Variants in METTL25 observed in about 807,000 individuals in gnomAD.
The protein encoded by METTL25 is methyltransferase like 25, also known as probable methyltransferase-like protein 25.
Under a neutral mutation model 71.6 loss-of-function variants are expected in METTL25, and 64 were observed. The observed-to-expected ratio is 0.89, with a 90% CI of 0.73 to 1.10. The LOEUF is 1.10. METTL25 is among the 50% of genes least tolerant of loss of function. METTL25 has a pLI of 0.00. For missense variants in METTL25, 807 were observed against 707.0 expected, an observed-to-expected ratio of 1.14 and a Z score of -1.60; for synonymous variants, 287 against 250.3, an observed-to-expected ratio of 1.15 and a Z score of -1.38.
At chr12:82,466,915 A>G (rs1395425486) in intron 9 of METTL25, among the ~76,000 whole-genome samples, 1 of 151,988 alleles carries the variant, frequency 6.6e-6, no homozygotes, top group Non-Finnish European at 1.5e-5. Flanking sequence ...TTCCGTTAGC[A>G]TAGAATACCT....
chr12:82,436,693 G>T (rs1483433750), intron 7 of METTL25, among the ~76,000 whole-genome samples: 1 of 151,008 alleles, frequency 6.6e-6, no homozygotes, highest in African/African-American at 2.4e-5. Context: ...CTTTTTTGTT[G>T]TATTTTACAA....
Position 82,378,917 on chromosome 12 carries a change from A to G in METTL25, c.260-7886A>G, listed in dbSNP as rs61934279. ...GCACAGTGGTGCATGCCCTTATCCC[A>G]GCTACTTAGGAGGCTGAGGTGAGAG... is the stretch of plus-strand genomic sequence containing the variant. On this transcript the variant is annotated intron_variant, in intron 1 of 11. Coordinates refer to ENST00000248306, the MANE Select transcript of METTL25 (RefSeq NM_032230.3). Among the ~76,000 whole-genome samples the G allele has an allele frequency of 7.1e-3, 1,084 of 152,226 alleles. 12 individuals are homozygous for G. Among genetic ancestry groups the G allele is most frequent in the Admixed American group, 0.012 (180 of 15,276 alleles).
intron 9 of METTL25, among the ~76,000 whole-genome samples, chr12:82,474,979 A>G (rs1432527965): frequency 6.6e-6 from 1 of 152,226 alleles, no homozygotes; most frequent in Non-Finnish European, 1.5e-5. Flanking sequence ...TCAACAGAAC[A>G]TAGTTCTCTA....
intron 1 of METTL25, among the ~76,000 whole-genome samples, chr12:82,374,767 G>A (rs945415434): frequency 3.3e-5 from 5 of 152,168 alleles, no homozygotes; most frequent in Non-Finnish European, 7.3e-5. Context: ...TAGAAACATG[G>A]AGCAAAGTAT....
chr12:82,408,021 A>G, intron 5 of METTL25: 1 of 926,780 alleles, frequency 1.1e-6, no homozygotes, highest in Non-Finnish European at 1.3e-6. Context: ...GTCGAATTTG[A>G]CACTTTTAGT....
chr12:82,398,893 T>G lies in METTL25; in HGVS notation c.630T>G (p.Thr210=). 1 of 1,611,996 alleles carries G rather than the reference T, an allele frequency of 6.2e-7. No homozygotes were observed. Among genetic ancestry groups the G allele is most frequent in the Non-Finnish European group, 8.5e-7 (1 of 1,179,274 alleles). The part of the protein sequence containing the change: ...VYGIDSSNTN[T]HGAEERNRKL... ...GAATTGATTCTTCAAATACCAATAC[T>G]CATGGAGCTGAGGAGAGAAACAGAA... is the stretch of plus-strand genomic sequence containing the variant. Residue 210 remains threonine (T), a synonymous_variant, in exon 4 of 12, where the codon ACT becomes ACG. Coordinates refer to ENST00000248306, the MANE Select transcript of METTL25 (RefSeq NM_032230.3).
intron 1 of METTL25, among the ~76,000 whole-genome samples, chr12:82,361,774 A>C (rs1041667915): frequency 1.3e-5 from 2 of 152,298 alleles, no homozygotes; most frequent in African/African-American, 4.8e-5. Context: ...CGTGGCGCGC[A>C]GCCCTGGTTC....
At chr12:82,448,214 T>G (rs1890893236) in intron 8 of METTL25, among the ~76,000 whole-genome samples, 1 of 152,126 alleles carries the variant, frequency 6.6e-6, no homozygotes, top group Non-Finnish European at 1.5e-5. Flanking sequence ...ATAAATCATC[T>G]TCCAGTAATA....
intron 9 of METTL25, among the ~76,000 whole-genome samples, chr12:82,461,288 A>G (rs570763618): frequency 6.6e-6 from 1 of 152,360 alleles, no homozygotes; most frequent in East Asian, 1.9e-4. Flanking sequence ...ACATGAGATA[A>G]TTAACGTTTA....
intron 2 of METTL25, among the ~76,000 whole-genome samples, chr12:82,389,510 G>A (rs1041064544): frequency 1.3e-5 from 2 of 151,756 alleles, no homozygotes; most frequent in African/African-American, 2.4e-5. Context: ...CTTTCATTTG[G>A]GGTTTGCCTT....
intron 3 of METTL25, among the ~76,000 whole-genome samples, chr12:82,393,864 T>C (rs909789090): frequency 3.2e-4 from 48 of 152,032 alleles, no homozygotes; most frequent in African/African-American, 1.1e-3. Flanking sequence ...TTTCTACTTT[T>C]TTGTTACATG....
chr12:82,405,105 A>C (rs1051460185), intron 5 of METTL25, among the ~76,000 whole-genome samples: 1 of 152,080 alleles, frequency 6.6e-6, no homozygotes, highest in Non-Finnish European at 1.5e-5. Flanking sequence ...GTGCTTTCTT[A>C]AGACTGCCAT....
intron 1 of METTL25, among the ~76,000 whole-genome samples, chr12:82,364,854 A>G (rs968656881): frequency 2.6e-5 from 4 of 152,198 alleles, no homozygotes; most frequent in African/African-American, 9.7e-5. Flanking sequence ...ATTAATAAAT[A>G]ACATACTATT....
intron 8 of METTL25, among the ~76,000 whole-genome samples, chr12:82,444,750 A>AATTATT (rs2137209805): frequency 6.6e-6 from 1 of 152,188 alleles, no homozygotes; most frequent in East Asian, 1.9e-4. Flanking sequence ...AAATTGACAA[A>AATTATT]ATTATTAAAA....
Position 82,398,853 on chromosome 12 carries a change from G to C in METTL25, c.590G>C (p.Gly197Ala). The C allele has an allele frequency of 6.3e-7, 1 of 1,597,834 alleles. No individual in the cohort carries two copies. Among genetic ancestry groups the C allele is most frequent in the East Asian group, 2.2e-5 (1 of 44,618 alleles). ...YLSSFLSLKYGLKVYGIDSSN... is the reference protein window; with the variant it reads ...YLSSFLSLKYALKVYGIDSSN... ...AGCTCTTTTTTGTCCTTGAAGTATG[G>C]CTTAAAAGTTTATGGAATTGATTCT... The change falls in exon 4 of 12, where the codon GGC becomes GCC. Residue 197 changes from glycine to alanine, a missense_variant. Physicochemically the swap from Gly to Ala is moderately conservative, Grantham distance 60 (BLOSUM62 0). Coordinates refer to ENST00000248306, the MANE Select transcript of METTL25 (RefSeq NM_032230.3).
At chr12:82,471,597 G>T (rs1892573024) in intron 9 of METTL25, among the ~76,000 whole-genome samples, 1 of 152,084 alleles carries the variant, frequency 6.6e-6, no homozygotes, top group Admixed American at 6.6e-5. Context: ...GTAACATTAG[G>T]GCACATTGTT....
chr12:82,370,043 C>T (rs558449433), intron 1 of METTL25, among the ~76,000 whole-genome samples: 27 of 152,256 alleles, frequency 1.8e-4, no homozygotes, highest in Admixed American at 1.6e-3. Context: ...GGCTTCACCT[C>T]TCAATCCCCC....
chr12:82,367,735 T>A (rs1882723929), intron 1 of METTL25, among the ~76,000 whole-genome samples: 1 of 152,186 alleles, frequency 6.6e-6, no homozygotes, highest in Admixed American at 6.5e-5. Flanking sequence ...TCAAAACCCA[T>A]CAGTAGTTCT....
At chr12:82,407,489 C>T (rs570318834) in intron 5 of METTL25, among the ~76,000 whole-genome samples, 1 of 152,266 alleles carries the variant, frequency 6.6e-6, no homozygotes, top group South Asian at 2.1e-4. Flanking sequence ...TCAAAAATAT[C>T]TTACCCATCA....
Sources: allele counts gnomAD v4.1 joint callset (sites outside exome capture counted in the v4.1 genomes callset), GRCh38; gene constraint gnomAD v4.1.1; transcripts MANE v1.5; gene names NCBI Gene and HGNC (gene_info 2026-07-23, HGNC 2026-07-21).